RESF1: variants seen among roughly 807,000 people sequenced by gnomAD.
RESF1 encodes retroelement silencing factor 1.
RESF1 carries 65 observed loss-of-function variants against 134.7 expected under a neutral mutation model. That is an observed-to-expected ratio of 0.48 (90% confidence interval 0.40 to 0.59). The LOEUF (loss-of-function observed/expected upper bound fraction) is 0.59. Ranked by LOEUF, RESF1 falls within the 20% of genes least tolerant of loss-of-function variation. RESF1 has a pLI of 0.00. For missense variants in RESF1, 2,274 were observed against 2,002.7 expected, an observed-to-expected ratio of 1.14 and a Z score of -2.59; for synonymous variants, 762 against 702.2, an observed-to-expected ratio of 1.09 and a Z score of -1.35.
intron 2 of RESF1, chr12:31,962,588 C>T (rs1939299782): frequency 6.6e-6 from 1 of 152,190 alleles, no homozygotes; most frequent in African/African-American, 2.4e-5. Flanking sequence ...TTTTATGCTC[C>T]TGGTTTTCAT....
intron 2 of RESF1, among the ~76,000 whole-genome samples, chr12:31,967,089 G>T (rs190128867): frequency 1.3e-5 from 2 of 152,288 alleles, no homozygotes; most frequent in East Asian, 3.9e-4. Context: ...TTGTGCATAG[G>T]ACTTTACCAC....
intron 5 of RESF1, among the ~76,000 whole-genome samples, chr12:31,990,387 G>A (rs1195690539): frequency 6.6e-6 from 1 of 152,182 alleles, no homozygotes; most frequent in Non-Finnish European, 1.5e-5. Context: ...TGAGACCTAA[G>A]GGAGGAGAAA....
Position 31,984,069 on chromosome 12 carries a change from A to G in RESF1, c.3114A>G (p.Arg1038=). 1 of 1,614,134 alleles carries G rather than the reference A, an allele frequency of 6.2e-7. No individual in the cohort carries two copies. Among genetic ancestry groups the G allele is most frequent in the Non-Finnish European group, 8.5e-7 (1 of 1,179,998 alleles). The stretch of plus-strand genomic sequence containing the variant: ...ACTATACTCCCCAAGATCCTGCAAG[A>G]AATGAAATCCACAGTGATAAGGCAC... ...SSNYTPQDPA[R]NEIHSDKAPV... The change falls in exon 4 of 6, where the codon AGA becomes AGG. Residue 1038 remains arginine (R), a synonymous_variant. Coordinates refer to ENST00000312561, the MANE Select transcript of RESF1 (RefSeq NM_018169.4).
rs766023304 is a variant in RESF1 at position 31,981,889 on chromosome 12, C to A, written c.934C>A (p.Leu312Met). Residue 312 changes from leucine (L) to methionine (M), a missense_variant, in exon 4 of 6, where the codon CTG (leucine) becomes ATG (methionine). Coordinates refer to ENST00000312561, the MANE Select transcript of RESF1 (RefSeq NM_018169.4). Reference sequence around the variant, plus strand: ...GGAAGTTCCTCAGAGTCGAGAAATGCTGTCATCTGAAATAAGGACCAGCTT... The same window carrying A: ...GGAAGTTCCTCAGAGTCGAGAAATGATGTCATCTGAAATAAGGACCAGCTT... ...SMEVPQSREM[L>M]SSEIRTSFQQ... 1.2e-6 allele frequency: 2 copies of A among 1,613,992 alleles called. No individual in the cohort carries two copies. The highest frequency in any genetic ancestry group is 4.5e-5 in the East Asian group (2 of 44,894).
In RESF1 at chr12:31,985,518, C is replaced by T. The variant is rs763167257; in HGVS notation, c.4563C>T (p.Ile1521=). 1.9e-6 allele frequency: 3 copies of T among 1,602,004 alleles called. No homozygotes were observed. The South Asian group carries it at 3.4e-5, about 18-fold the overall frequency. ...GLTSHGKNLK[I]HHSQESKTYN... ...CAAGCCATGGTAAAAACCTCAAAAT[C>T]CACCATTCTCAGGAGTCTAAAACAT... Residue 1521 remains isoleucine (I), a synonymous_variant, in exon 4 of 6, where the codon ATC becomes ATT. Transcript: ENST00000312561.
Position 31,985,645 on chromosome 12 carries a change from G to A in RESF1, c.4690G>A (p.Glu1564Lys), listed in dbSNP as rs373601362. The A allele has an allele frequency of 1.7e-5, 27 of 1,612,652 alleles. No homozygotes were observed. Among genetic ancestry groups the A allele is most frequent in the African/African-American group, 1.5e-4 (11 of 74,782 alleles). The change falls in exon 4 of 6, where the codon GAA (glutamate) becomes AAA (lysine). Residue 1564 changes from glutamate (E) to lysine (K), a missense_variant. Glu to Lys is a moderately conservative substitution (Grantham distance 56, BLOSUM62 1). Transcript: ENST00000312561. The stretch of plus-strand genomic sequence containing the variant: ...AGACAAATTAACCAATATAAGCAAC[G>A]AAGCTCAATTCAGCCAAATGCCTCC... ...KLDKLTNISN[E>K]AQFSQMPPQV...
At chr12:31,991,689 T>A (rs562323392) in intron 5 of RESF1, among the ~76,000 whole-genome samples, 2 of 152,170 alleles carry the variant, frequency 1.3e-5, no homozygotes, top group African/African-American at 2.4e-5. Context: ...TCGTGTGATA[T>A]CGGCTCACTG....
At chr12:31,969,455 G>C (rs1459125171) in intron 2 of RESF1, among the ~76,000 whole-genome samples, 1 of 152,172 alleles carries the variant, frequency 6.6e-6, no homozygotes. Flanking sequence ...AGTGAGCTGA[G>C]ATCGTGCCAC....
rs775530086 is a variant in RESF1, at chr12:31,984,881, A to C, written c.3926A>C (p.Lys1309Thr). 7 of 1,608,990 alleles carry C rather than the reference A, an allele frequency of 4.4e-6. No homozygotes were observed. Among genetic ancestry groups the C allele is most frequent in the Admixed American group, 1.7e-5 (1 of 58,718 alleles). Residue 1309 changes from lysine (K) to threonine (T), a missense_variant, in exon 4 of 6, where the codon AAA becomes ACA. Transcript: ENST00000312561. ...FHEVTFHSSNKMTASYEQASQ... is the reference protein window; with the variant it reads ...FHEVTFHSSNTMTASYEQASQ... Reference sequence around the variant, plus strand: ...GAGGTAACCTTTCACTCCAGTAATAAAATGACAGCATCTTATGAACAAGCT... The same window carrying C: ...GAGGTAACCTTTCACTCCAGTAATACAATGACAGCATCTTATGAACAAGCT...
At chr12:31,967,673 T>TG (rs1483596726) in intron 2 of RESF1, among the ~76,000 whole-genome samples, 15 of 151,650 alleles carry the variant, frequency 9.9e-5, no homozygotes, top group African/African-American at 3.4e-4. Context: ...TTTTGTTTTT[T>TG]TTGTGTGTGT....
At chr12:31,969,282 T>C (rs927170206) in intron 2 of RESF1, among the ~76,000 whole-genome samples, 3 of 152,168 alleles carry the variant, frequency 2.0e-5, no homozygotes, top group Non-Finnish European at 4.4e-5. Context: ...TAGGCTGGGA[T>C]GGCTTGAGCC....
chr12:31,968,740 G>C (rs147214737), intron 2 of RESF1, among the ~76,000 whole-genome samples: 2 of 152,174 alleles, frequency 1.3e-5, no homozygotes, highest in South Asian at 4.1e-4. Context: ...GAGCCACCGC[G>C]CCCGGCCTAG....
rs184646771 is a variant in RESF1 at position 31,979,621 on chromosome 12, T to C, written c.-78-1257T>C. On this transcript the variant is annotated intron_variant, in intron 3 of 5. Coordinates refer to ENST00000312561, the MANE Select transcript of RESF1 (RefSeq NM_018169.4). ...GGTGCCACCATGGCTCACTGCAGCC[T>C]CAACCCCCAGGCTCAGATGATCCTC... Among the ~76,000 whole-genome samples the C allele has an allele frequency of 3.0e-3, 457 of 151,994 alleles. 4 individuals are homozygous for C. Among genetic ancestry groups the C allele is most frequent in the Non-Finnish European group, 4.8e-3 (329 of 67,958 alleles).
At chr12:31,960,126 C>T (rs1462704346) in intron 1 of RESF1, among the ~76,000 whole-genome samples, 4 of 152,108 alleles carry the variant, frequency 2.6e-5, no homozygotes, top group African/African-American at 9.7e-5. Flanking sequence ...TTCCTTGAGG[C>T]ATTTTTAAAT....
intron 3 of RESF1, among the ~76,000 whole-genome samples, chr12:31,979,890 C>T (rs73298612): frequency 6.6e-6 from 1 of 151,322 alleles, no homozygotes; most frequent in Non-Finnish European, 1.5e-5. Flanking sequence ...TCCAGCTCCC[C>T]CCACCACTTT....
Position 31,984,820 on chromosome 12 carries a change from T to A in RESF1, c.3865T>A (p.Leu1289Met). The A allele has an allele frequency of 6.2e-7, 1 of 1,606,338 alleles. No homozygotes were observed. The highest frequency in any genetic ancestry group is 1.1e-5 in the South Asian group (1 of 88,928). Residue 1289 changes from leucine (L) to methionine (M), a missense_variant, in exon 4 of 6, where the codon TTG (leucine) becomes ATG (methionine). Coordinates refer to ENST00000312561, the MANE Select transcript of RESF1 (RefSeq NM_018169.4). ...FSSKCDKLNP[L>M]QNHKRKKLRF... ...ATCTAAATGTGATAAACTAAATCCCTTGCAAAATCACAAAAGAAAAAAATT... is the reference window on the plus strand; with the variant it reads ...ATCTAAATGTGATAAACTAAATCCCATGCAAAATCACAAAAGAAAAAAATT...
intron 3 of RESF1, among the ~76,000 whole-genome samples, chr12:31,972,500 G>T (rs193284711): frequency 6.6e-6 from 1 of 151,868 alleles, no homozygotes; most frequent in Non-Finnish European, 1.5e-5. Flanking sequence ...CAGCTACTCA[G>T]GAGGCTGAGG....
intron 2 of RESF1, among the ~76,000 whole-genome samples, chr12:31,966,653 T>G (rs1939403155): frequency 6.6e-6 from 1 of 152,194 alleles, no homozygotes; most frequent in Non-Finnish European, 1.5e-5. Context: ...CTCTCACTGG[T>G]GAAGCTTGGT....
Position 31,961,085 on chromosome 12 carries a change from C to A in RESF1, c.-247+214C>A, listed in dbSNP as rs139895612. Among the ~76,000 whole-genome samples, 849 of 152,278 alleles carry A rather than the reference C, an allele frequency of 5.6e-3. 12 individuals are homozygous for A. Among genetic ancestry groups the A allele is most frequent in the African/African-American group, 0.019 (806 of 41,556 alleles). On this transcript the variant is annotated intron_variant, in intron 2 of 5. Coordinates refer to ENST00000312561, the MANE Select transcript of RESF1 (RefSeq NM_018169.4). ...CTGAAAAATCAGTTGTTAATCTTAGCAAAATAAGGAAAGAGGTCTTTGGTA... is the reference window on the plus strand; with the variant it reads ...CTGAAAAATCAGTTGTTAATCTTAGAAAAATAAGGAAAGAGGTCTTTGGTA...
Sources: gnomAD v4.1 joint callset for allele counts (sites outside exome capture counted in the v4.1 genomes callset) on GRCh38, gnomAD v4.1.1 for gene constraint, MANE v1.5 for transcripts, NCBI Gene and HGNC (gene_info 2026-07-23, HGNC 2026-07-21) for gene names.